The following SLFN14 variants were observed in gnomAD, a reference collection of about 807,000 sequenced individuals.
SLFN14 encodes protein SLFN14.
Under a neutral mutation model 58.6 loss-of-function variants are expected in SLFN14, and 47 were observed. That is an observed-to-expected ratio of 0.80 (90% CI 0.64 to 1.02). SLFN14 has a LOEUF of 1.02. Ranked by LOEUF, SLFN14 falls within the 50% of genes least tolerant of loss-of-function variation. The probability of loss-of-function intolerance (pLI) is 0.00; values close to 1 mark genes in which losing one functional copy is unlikely to be tolerated. For synonymous variants in SLFN14, 390 were observed against 387.3 expected (o/e 1.01, Z -0.08); for missense variants, 967 against 1,078.4 (o/e 0.90, Z 1.45).
At chr17:35,550,100 G>A (rs914634868) in intron 5 of SLFN14, among the ~76,000 whole-genome samples, 1 of 152,144 alleles carries the variant, frequency 6.6e-6, no homozygotes, top group African/African-American at 2.4e-5. Flanking sequence ...TACCATTCTG[G>A]TTCTCTGGTG....
intron 3 of SLFN14, among the ~76,000 whole-genome samples, chr17:35,556,007 A>G (rs12952971): frequency 0.016 from 2,481 of 152,248 alleles, 36 homozygotes; most frequent in Non-Finnish European, 0.027. Flanking sequence ...TTAGTGGAGT[A>G]GTGGAGTCAT....
Position 35,558,068 on chromosome 17 carries a change from C to G in SLFN14, c.-6G>C. 2 of 1,548,994 alleles carry G rather than the reference C, an allele frequency of 1.3e-6. No homozygotes were observed. The highest frequency in any genetic ancestry group is 2.4e-5 in the South Asian group (2 of 83,970). ...TCAGTCTTGAGACTCTCCATTTCAGCAGCCCCTCTGTGCTCCAAACAATAA... is the reference window on the plus strand; with the variant it reads ...TCAGTCTTGAGACTCTCCATTTCAGGAGCCCCTCTGTGCTCCAAACAATAA... On this transcript the variant is annotated 5_prime_UTR_variant, in exon 3 of 6. Transcript: ENST00000674182.
intron 1 of SLFN14, among the ~76,000 whole-genome samples, chr17:35,560,317 A>G (rs1441382870): frequency 3.3e-5 from 5 of 152,068 alleles, no homozygotes; most frequent in Admixed American, 2.6e-4. Context: ...TCCTTTCCAC[A>G]TTTCCCAGGA....
In SLFN14 at chr17:35,557,106, G is replaced by A. The variant is rs1034354450; in HGVS notation, c.957C>T (p.Cys319=). The change falls in exon 3 of 6, where the codon TGC becomes TGT. Residue 319 remains cysteine, a synonymous_variant. Transcript: ENST00000674182. ...AATCTGGGGCCTCTGCAAACACCAC[G>A]CAACAGAAGGGCTCCACTTGAATCA... ...VCVIQVEPFC[C]VVFAEAPDSW... 1.2e-5 allele frequency: 19 copies of A among 1,551,514 alleles called. No homozygotes were observed. Among genetic ancestry groups the A allele is most frequent in the African/African-American group, 2.7e-5 (2 of 73,008 alleles).
At position 35,554,662 on chromosome 17, in the gene SLFN14, G is replaced by C. The variant is rs1344604093; in HGVS notation, c.1103C>G (p.Ser368Ter). Reference sequence around the variant, plus strand: ...ACTTTTTCGTGCAGATGAAGCTGATGAAATCAGGCAAGAGTTGTAGTCTGT... The same window carrying C: ...ACTTTTTCGTGCAGATGAAGCTGATCAAATCAGGCAAGAGTTGTAGTCTGT... ...LVTDYNSCLI[S>*]SASSARKSPG... is the part of the protein sequence containing the mutation. The change falls in exon 4 of 6, where the codon TCA (serine) becomes TGA (stop). Residue 368 changes from serine to a stop codon, truncating the protein, a stop_gained. Coordinates refer to ENST00000674182, the MANE Select transcript of SLFN14 (RefSeq NM_001129820.2). LOFTEE classifies it high-confidence loss of function. The C allele has an allele frequency of 6.7e-7, 1 of 1,490,634 alleles. No individual in the cohort carries two copies. The highest frequency in any genetic ancestry group is 1.4e-5 in the African/African-American group (1 of 70,070). The allele number at this position is 1,490,634 out of a possible 1,614,324, so 92.3% of individuals were successfully genotyped here. A position where few individuals can be genotyped will look rare whatever the true frequency, so the allele number is the denominator to read the frequency against.
intron 5 of SLFN14, among the ~76,000 whole-genome samples, chr17:35,550,555 T>G (rs1157607871): frequency 6.6e-6 from 1 of 152,128 alleles, no homozygotes; most frequent in African/African-American, 2.4e-5. Flanking sequence ...CAAAAATAAA[T>G]TAATTAATTA....
Position 35,548,266 on chromosome 17 carries a change from C to A in SLFN14, c.2712G>T (p.Leu904=). ...FASRAIKHLY[L]LYEKRAAY The stretch of plus-strand genomic sequence containing the variant: ...AGTAGGCTGCCCTCTTTTCATAAAG[C>A]AGGTAGAGGTGTTTAATGGCTCTTG... The change falls in exon 6 of 6, where the codon CTG becomes CTT. Residue 904 remains leucine, a synonymous_variant. Transcript: ENST00000674182. 2 of 1,551,446 alleles carry A rather than the reference C, an allele frequency of 1.3e-6. No individual in the cohort carries two copies. The highest frequency in any genetic ancestry group is 1.7e-4 in the Middle Eastern group (1 of 5,990).
At position 35,548,847 on chromosome 17, in the gene SLFN14, C is replaced by T. The variant is rs764063019; in HGVS notation, c.2131G>A (p.Ala711Thr). 1.9e-5 allele frequency: 29 copies of T among 1,551,532 alleles called. No individual in the cohort carries two copies. The highest frequency in any genetic ancestry group is 1.6e-4 in the African/African-American group (12 of 73,020). Residue 711 changes from alanine to threonine, a missense_variant, in exon 6 of 6, where the codon GCA (alanine) becomes ACA (threonine). Transcript: ENST00000674182. ...LFLDPFQIHHADVNGLPPPSA... is the reference protein window; with the variant it reads ...LFLDPFQIHHTDVNGLPPPSA... ...GGAGGGGGAAGGCCATTGACATCTG[C>T]GTGATGGATTTGAAAAGGGTCAAGA... is the stretch of plus-strand genomic sequence containing the variant.
rs1373808451 is a variant in SLFN14, at chr17:35,545,804, TG to T, written c.*2434del. Among the ~76,000 whole-genome samples the T allele has an allele frequency of 6.6e-6, 1 of 152,160 alleles. No homozygotes were observed. Among genetic ancestry groups the T allele is most frequent in the African/African-American group, 2.4e-5 (1 of 41,438 alleles). ...CAGGCACCAGCCACTGCACCCTGCC[TG>T]GACAACATTTAATAAATACCGATGC... is the stretch of plus-strand genomic sequence containing the variant. On this transcript the variant is annotated 3_prime_UTR_variant, in exon 6 of 6. Transcript: ENST00000674182.
chr17:35,553,488 T>G, intron 4 of SLFN14, 44 bp from the exon 5 acceptor site: 3 of 1,427,690 alleles, frequency 2.1e-6, no homozygotes, highest in Non-Finnish European at 2.8e-6. Context: ...TACAAAAGCA[T>G]GTGGTAAGTA....
rs143156632 is a variant in SLFN14 at position 35,547,816 on chromosome 17, T to C, written c.*423A>G. Among the ~76,000 whole-genome samples the C allele has an allele frequency of 2.7e-3, 416 of 152,250 alleles. 5 individuals are homozygous for C. The East Asian group carries it at 0.048, about 18-fold the overall frequency. ...CATGAGAAACATGGGGAGATGGAGA[T>C]ACAATAAAGGATGTGGTTGGGAGAG... is the stretch of plus-strand genomic sequence containing the variant. On this transcript the variant is annotated 3_prime_UTR_variant, in exon 6 of 6. Coordinates refer to ENST00000674182, the MANE Select transcript of SLFN14 (RefSeq NM_001129820.2).
At position 35,557,898 on chromosome 17, in the gene SLFN14, A is replaced by T; in HGVS notation, c.165T>A (p.Ser55=). ...IIRAICALLN[S]GGGVIKAEID... ...TCTCTGCTTTGATCACACCACCTCCAGAATTTAACAGTGCACATATAGCCC... is the reference window on the plus strand; with the variant it reads ...TCTCTGCTTTGATCACACCACCTCCTGAATTTAACAGTGCACATATAGCCC... The change falls in exon 3 of 6, where the codon TCT becomes TCA. Residue 55 remains serine (S), a synonymous_variant. Transcript: ENST00000674182. The T allele has an allele frequency of 6.4e-7, 1 of 1,551,720 alleles. No individual in the cohort carries two copies. Among genetic ancestry groups the T allele is most frequent in the Non-Finnish European group, 8.7e-7 (1 of 1,146,992 alleles).
At chr17:35,553,858 C>T (rs180981669) in intron 4 of SLFN14, among the ~76,000 whole-genome samples, 1 of 152,236 alleles carries the variant, frequency 6.6e-6, no homozygotes, top group East Asian at 1.9e-4. Context: ...AGGCTGGTCT[C>T]AAACTCCTGA....
Position 35,545,887 on chromosome 17 carries a change from T to C in SLFN14, c.*2352A>G, listed in dbSNP as rs1329418704. On this transcript the variant is annotated 3_prime_UTR_variant, in exon 6 of 6. Coordinates refer to ENST00000674182, the MANE Select transcript of SLFN14 (RefSeq NM_001129820.2). The stretch of plus-strand genomic sequence containing the variant: ...TTAGTCTGGTGTCTGGCCTGATCAC[T>C]GATTTTTTTTAAGTCGCCCAGGAAA... Among the ~76,000 whole-genome samples, 2 of 152,146 alleles carry C rather than the reference T, an allele frequency of 1.3e-5. No homozygotes were observed. The highest frequency in any genetic ancestry group is 2.9e-5 in the Non-Finnish European group (2 of 68,020).
chr17:35,544,198 A>G lies in SLFN14; in HGVS notation c.*4041T>C, dbSNP rs938404137. On this transcript the variant is annotated 3_prime_UTR_variant, in exon 6 of 6. Coordinates refer to ENST00000674182, the MANE Select transcript of SLFN14 (RefSeq NM_001129820.2). Reference sequence around the variant, plus strand: ...AGAGTAAACCCAATGCTGAAAGTCCATGTACAGCCTCTGTGCACATCAGAA... The same window carrying G: ...AGAGTAAACCCAATGCTGAAAGTCCGTGTACAGCCTCTGTGCACATCAGAA... Among the ~76,000 whole-genome samples the G allele has an allele frequency of 6.6e-6, 1 of 152,226 alleles. No individual in the cohort carries two copies. The highest frequency in any genetic ancestry group is 1.5e-5 in the Non-Finnish European group (1 of 68,042).
Position 35,545,627 on chromosome 17 carries a change from T to C in SLFN14, c.*2612A>G, listed in dbSNP as rs9906861. Reference sequence around the variant, plus strand: ...CTCCCACCTTGGCCTCTGGAGTAGCTAGGATTAAAAGCATGCACCACCATG... The same window carrying C: ...CTCCCACCTTGGCCTCTGGAGTAGCCAGGATTAAAAGCATGCACCACCATG... On this transcript the variant is annotated 3_prime_UTR_variant, in exon 6 of 6. Coordinates refer to ENST00000674182, the MANE Select transcript of SLFN14 (RefSeq NM_001129820.2). Among the ~76,000 whole-genome samples, 1,904 of 152,198 alleles carry C rather than the reference T, an allele frequency of 0.013. 49 individuals are homozygous for C. The highest frequency in any genetic ancestry group is 0.043 in the African/African-American group (1,794 of 41,514).
chr17:35,552,081 A>T (rs545464689), intron 5 of SLFN14, among the ~76,000 whole-genome samples: 21 of 152,284 alleles, frequency 1.4e-4, no homozygotes, highest in African/African-American at 4.8e-4. Flanking sequence ...CCATGAGTAA[A>T]ATCTACCACG....
In SLFN14 at chr17:35,545,778, A is replaced by G. The variant is rs9901285; in HGVS notation, c.*2461T>C. ...CTCAGCCTCTCAAAGTTCTGGTATT[A>G]CAGGCACCAGCCACTGCACCCTGCC... On this transcript the variant is annotated 3_prime_UTR_variant, in exon 6 of 6. Coordinates refer to ENST00000674182, the MANE Select transcript of SLFN14 (RefSeq NM_001129820.2). 0.079 allele frequency among the ~76,000 whole-genome samples: 12,068 copies of G among 152,156 alleles called. 947 individuals are homozygous for G. The highest frequency in any genetic ancestry group is 0.2 in the African/African-American group (8,352 of 41,472).
At position 35,557,923 on chromosome 17, in the gene SLFN14, C is replaced by T. The variant is rs372726659; in HGVS notation, c.140G>A (p.Arg47Gln). Reference sequence around the variant, plus strand: ...AGAATTTAACAGTGCACATATAGCCCGGATAATTCTAGAATTCTCAGATCT... The same window carrying T: ...AGAATTTAACAGTGCACATATAGCCTGGATAATTCTAGAATTCTCAGATCT... ...LKRSENSRII[R>Q]AICALLNSGG... The change falls in exon 3 of 6, where the codon CGG becomes CAG. Residue 47 changes from arginine (R) to glutamine (Q), a missense_variant. Coordinates refer to ENST00000674182, the MANE Select transcript of SLFN14 (RefSeq NM_001129820.2). 1.1e-4 allele frequency: 173 copies of T among 1,551,540 alleles called. No individual in the cohort carries two copies. Among genetic ancestry groups the T allele is most frequent in the Middle Eastern group, 1.7e-4 (1 of 6,014 alleles).
Sources: gnomAD v4.1 joint callset for allele counts (sites outside exome capture counted in the v4.1 genomes callset) on GRCh38, gnomAD v4.1.1 for gene constraint, MANE v1.5 for transcripts, NCBI Gene and HGNC (gene_info 2026-07-23, HGNC 2026-07-21) for gene names.